Variants in TLL1 observed in about 807,000 individuals in gnomAD.
TLL1 encodes tolloid like 1.
A neutral mutation model predicts 128.2 loss-of-function variants in TLL1; 49 were observed. That is an observed-to-expected ratio of 0.38 (90% CI 0.30 to 0.48). TLL1 has a LOEUF of 0.48. Ranked by LOEUF, TLL1 falls within the 20% of genes least tolerant of loss-of-function variation. The probability of loss-of-function intolerance (pLI) is 0.96; values close to 1 mark genes in which losing one functional copy is unlikely to be tolerated. For synonymous variants in TLL1, 454 were observed against 418.8 expected (o/e 1.08, Z -1.03); for missense variants, 1,123 against 1,242.0 (o/e 0.90, Z 1.44).
chr4:166,093,237 T>C (rs1333858627), intron 19 of TLL1, among the ~76,000 whole-genome samples: 1 of 152,048 alleles, frequency 6.6e-6, no homozygotes, highest in African/African-American at 2.4e-5. Context: ...GTTCTCTCAG[T>C]TTTTATTGAT....
chr4:166,018,841 T>C (rs770493029), intron 8 of TLL1, among the ~76,000 whole-genome samples: 12 of 152,190 alleles, frequency 7.9e-5, no homozygotes, highest in Non-Finnish European at 1.8e-4. Flanking sequence ...AGGGAACACT[T>C]ACACACTGTT....
chr4:165,914,416 T>A (rs950071730), intron 1 of TLL1, among the ~76,000 whole-genome samples: 6 of 152,204 alleles, frequency 3.9e-5, no homozygotes, highest in Non-Finnish European at 8.8e-5. Context: ...AGAGGCATGA[T>A]GTTTAAGCTA....
At chr4:165,886,497 A>T (rs1451241724) in intron 1 of TLL1, among the ~76,000 whole-genome samples, 1 of 152,162 alleles carries the variant, frequency 6.6e-6, no homozygotes, top group African/African-American at 2.4e-5. Context: ...AGTAACAAAT[A>T]CTTTAACTAT....
intron 1 of TLL1, among the ~76,000 whole-genome samples, chr4:165,943,342 A>G (rs2110926519): frequency 6.6e-6 from 1 of 152,158 alleles, no homozygotes; most frequent in Middle Eastern, 3.4e-3. Flanking sequence ...TATGTACTGT[A>G]ATGTTAATTT....
At chr4:165,887,255 A>T (rs1731200472) in intron 1 of TLL1, among the ~76,000 whole-genome samples, 1 of 152,016 alleles carries the variant, frequency 6.6e-6, no homozygotes, top group Non-Finnish European at 1.5e-5. Flanking sequence ...TGGTGGAAGA[A>T]GTAATGAGAA....
chr4:165,897,972 T>A lies in TLL1; in HGVS notation c.169+23899T>A, dbSNP rs182138803. Among the ~76,000 whole-genome samples, 352 of 152,258 alleles carry A rather than the reference T, an allele frequency of 2.3e-3. 2 individuals carry two copies. Among genetic ancestry groups the A allele is most frequent in the Non-Finnish European group, 4.4e-3 (301 of 68,018 alleles). ...CCGTTGTAAGTTGTATTCCTAGATA[T>A]TTTATTCTGTTTGTAGCAATTGTGA... On this transcript the variant is annotated intron_variant, in intron 1 of 20. Coordinates refer to ENST00000061240, the MANE Select transcript of TLL1 (RefSeq NM_012464.5).
chr4:166,079,236 C>T (rs1267084874), intron 18 of TLL1, among the ~76,000 whole-genome samples: 1 of 152,134 alleles, frequency 6.6e-6, no homozygotes, highest in East Asian at 1.9e-4. Context: ...ATAGAGGCTG[C>T]ATTCTTTTAA....
chr4:165,976,034 C>CAAAAAAAAAAAAAA (rs1169297533), intron 1 of TLL1, among the ~76,000 whole-genome samples: 1 of 72,098 alleles, frequency 1.4e-5, no homozygotes, highest in African/African-American at 4.8e-5. Context: ...GATTCCATCT[C>CAAAAAAAAAAAAAA]AAAAAAAAAA....
At chr4:165,976,712 G>T (rs921863398) in intron 1 of TLL1, among the ~76,000 whole-genome samples, 1 of 152,114 alleles carries the variant, frequency 6.6e-6, no homozygotes, top group South Asian at 2.1e-4. Flanking sequence ...AGAATAAAAG[G>T]CTTAGATATA....
chr4:165,953,649 A>T (rs1579534735), intron 1 of TLL1, among the ~76,000 whole-genome samples: 1 of 149,882 alleles, frequency 6.7e-6, no homozygotes. Context: ...TATATATATA[A>T]ATATTATGTA....
intron 1 of TLL1, among the ~76,000 whole-genome samples, chr4:165,988,265 A>G (rs1736475629): frequency 6.6e-6 from 1 of 152,096 alleles, no homozygotes; most frequent in African/African-American, 2.4e-5. Flanking sequence ...ATGGTTTCAC[A>G]ATGGTTTATA....
chr4:166,013,920 A>G (rs1175252244), intron 7 of TLL1, among the ~76,000 whole-genome samples: 6 of 151,624 alleles, frequency 4.0e-5, no homozygotes, highest in Non-Finnish European at 8.8e-5. Flanking sequence ...TTTTTTTAAC[A>G]TATGCTGTAA....
chr4:165,970,042 A>T (rs1364795854), intron 1 of TLL1, among the ~76,000 whole-genome samples: 2 of 152,172 alleles, frequency 1.3e-5, no homozygotes, highest in East Asian at 1.9e-4. Flanking sequence ...GCTACAAAGG[A>T]TGCTAAATAA....
chr4:166,052,961 ATG>A (rs139204407), intron 12 of TLL1, among the ~76,000 whole-genome samples: 1 of 109,128 alleles, frequency 9.2e-6, no homozygotes, highest in Non-Finnish European at 1.8e-5. Flanking sequence ...ATAAGAGGTT[ATG>A]TGTATATATA....
intron 1 of TLL1, among the ~76,000 whole-genome samples, chr4:165,931,973 A>G (rs1579503866): frequency 1.3e-5 from 2 of 152,296 alleles, no homozygotes; most frequent in South Asian, 4.1e-4. Flanking sequence ...TAGAAGCCCT[A>G]GTGGGGACTT....
intron 12 of TLL1, among the ~76,000 whole-genome samples, chr4:166,049,378 A>G (rs1011314903): frequency 6.6e-6 from 1 of 152,138 alleles, no homozygotes; most frequent in Non-Finnish European, 1.5e-5. Flanking sequence ...TCACTTACAC[A>G]TTTTTGTTGT....
At chr4:166,014,873 A>T (rs1263632938) in intron 8 of TLL1, among the ~76,000 whole-genome samples, 2 of 152,042 alleles carry the variant, frequency 1.3e-5, no homozygotes, top group Non-Finnish European at 1.5e-5. Context: ...GCATGATTTC[A>T]TAGTCAAATG....
chr4:165,984,301 T>A (rs182358847), intron 1 of TLL1, among the ~76,000 whole-genome samples: 9 of 152,068 alleles, frequency 5.9e-5, no homozygotes. Context: ...GTGTGTCATG[T>A]TGGGGGAGAT....
intron 1 of TLL1, among the ~76,000 whole-genome samples, chr4:165,935,142 T>C (rs1425267457): frequency 6.6e-6 from 1 of 152,130 alleles, no homozygotes; most frequent in Admixed American, 6.5e-5. Flanking sequence ...AGATGGAAAA[T>C]CAGAAAGGCT....
Sources: allele counts gnomAD v4.1 joint callset (sites outside exome capture counted in the v4.1 genomes callset), GRCh38; gene constraint gnomAD v4.1.1; transcripts MANE v1.5; gene names NCBI Gene and HGNC (gene_info 2026-07-23, HGNC 2026-07-21).